The following PSAT1 variants were observed in gnomAD, a reference collection of about 807,000 sequenced individuals.
PSAT1 encodes the protein phosphoserine aminotransferase 1.
In PSAT1, 41 loss-of-function variants were observed where a neutral mutation model predicts 40.3. The ratio of observed to expected loss-of-function variants is 1.02; its 90% confidence interval spans 0.79 to 1.32. PSAT1 has a LOEUF of 1.32. Among genes scored for constraint, PSAT1 ranks in the 40% most tolerant of loss-of-function variants. The probability of loss-of-function intolerance (pLI) is 0.00; values close to 1 mark genes in which losing one functional copy is unlikely to be tolerated. For missense variants in PSAT1, 406 were observed against 455.8 expected, an observed-to-expected ratio of 0.89 and a Z score of 0.99; for synonymous variants, 147 against 170.5, an observed-to-expected ratio of 0.86 and a Z score of 1.07.
chr9:78,312,222 C>A (rs920323541), intron 6 of PSAT1, among the ~76,000 whole-genome samples: 1 of 152,128 alleles, frequency 6.6e-6, no homozygotes, highest in Non-Finnish European at 1.5e-5. Context: ...AACACACTAA[C>A]CCCAATTAGT....
intron 1 of PSAT1, among the ~76,000 whole-genome samples, chr9:78,297,790 T>G (rs1159766661): frequency 6.6e-6 from 1 of 152,200 alleles, no homozygotes; most frequent in East Asian, 1.9e-4. Context: ...CTGAAAGGGA[T>G]TGCAAACTTA....
rs750069417 is a variant in PSAT1 at position 78,317,805 on chromosome 9, G to GT, written c.869+2dup. 11 of 1,612,134 alleles carry GT rather than the reference G, an allele frequency of 6.8e-6. No individual in the cohort carries two copies. The highest frequency in any genetic ancestry group is 3.3e-5 in the Admixed American group (2 of 60,002). Reference sequence around the variant, plus strand: ...TTGATAATTCTCAAGGATTCTACGTGTAAGTCAATGGATTTTATCTCCTAT... The same window carrying GT: ...TTGATAATTCTCAAGGATTCTACGTGTTAAGTCAATGGATTTTATCTCCTAT... On this transcript the variant is annotated splice_donor_variant, in intron 7 of 8. Coordinates refer to ENST00000376588, the MANE Select transcript of PSAT1 (RefSeq NM_058179.4). LOFTEE classifies it high-confidence loss of function.
intron 6 of PSAT1, among the ~76,000 whole-genome samples, chr9:78,312,669 C>A (rs1236756071): frequency 6.6e-6 from 1 of 152,048 alleles, no homozygotes; most frequent in Non-Finnish European, 1.5e-5. Flanking sequence ...GCACTCCAGC[C>A]TGGGCAATAA....
At chr9:78,304,091 G>A (rs1254280410) in intron 3 of PSAT1, among the ~76,000 whole-genome samples, 1 of 152,114 alleles carries the variant, frequency 6.6e-6, no homozygotes, top group Admixed American at 6.5e-5. Flanking sequence ...GCATAACACA[G>A]GATTATTGGT....
At chr9:78,309,063 T>C (rs1449035942) in intron 6 of PSAT1, among the ~76,000 whole-genome samples, 1 of 152,256 alleles carries the variant, frequency 6.6e-6, no homozygotes, top group Non-Finnish European at 1.5e-5. Flanking sequence ...TATCAGATTC[T>C]CTGCCCAGCT....
In PSAT1 at chr9:78,326,808, C is replaced by T. The variant is rs549533630; in HGVS notation, c.870-1243C>T. Among the ~76,000 whole-genome samples the T allele has an allele frequency of 1.3e-4, 19 of 151,296 alleles. No individual in the cohort carries two copies. The East Asian group carries it at 2.9e-3, about 23-fold the overall frequency. On this transcript the variant is annotated intron_variant, in intron 7 of 8. Transcript: ENST00000376588. ...TTGGGATGCCTCATTCTACTGAAGTCGTCATCTGGTTATTCATTTGGAGCC... is the reference window on the plus strand; with the variant it reads ...TTGGGATGCCTCATTCTACTGAAGTTGTCATCTGGTTATTCATTTGGAGCC...
intron 4 of PSAT1, among the ~76,000 whole-genome samples, chr9:78,305,506 G>A (rs925135282): frequency 1.3e-5 from 2 of 152,176 alleles, no homozygotes; most frequent in Admixed American, 1.3e-4. Context: ...TTTGGCTTTA[G>A]ATATGGCTTG....
chr9:78,306,324 T>C lies in PSAT1; in HGVS notation c.408T>C (p.Asp136=), dbSNP rs1252120560. The C allele has an allele frequency of 1.2e-6, 2 of 1,612,164 alleles. No individual in the cohort carries two copies. Among genetic ancestry groups the C allele is most frequent in the East Asian group, 4.5e-5 (2 of 44,884 alleles). The change falls in exon 5 of 9, where the codon GAT becomes GAC. Residue 136 remains aspartate (D), a synonymous_variant. Transcript: ENST00000376588. ...TGTCTTCTGTGATAGAAATTCCAGA[T>C]CCAAGCACCTGGAACCTCAACCCAG... is the stretch of plus-strand genomic sequence containing the variant. The part of the protein sequence containing the change: ...PKLGSYTKIP[D]PSTWNLNPDA...
chr9:78,328,898 C>T (rs996762947), intron 8 of PSAT1, 83 bp from the exon 9 acceptor site: 3 of 1,085,624 alleles, frequency 2.8e-6, no homozygotes, highest in Non-Finnish European at 1.4e-6. Context: ...CTGCAACTCT[C>T]AGGAGCCAGT....
chr9:78,305,250 G>A (rs1828164345), intron 4 of PSAT1, among the ~76,000 whole-genome samples: 1 of 152,160 alleles, frequency 6.6e-6, no homozygotes. Flanking sequence ...AAGTAGCTGG[G>A]ATTACAGGTG....
intron 3 of PSAT1, among the ~76,000 whole-genome samples, chr9:78,302,518 G>A (rs1471331926): frequency 6.6e-6 from 1 of 152,048 alleles, no homozygotes; most frequent in Non-Finnish European, 1.5e-5. Flanking sequence ...CGTGAGATCA[G>A]GAGATCAAGA....
At chr9:78,316,466 C>CTAATT (rs1828346067) in intron 6 of PSAT1, among the ~76,000 whole-genome samples, 1 of 152,148 alleles carries the variant, frequency 6.6e-6, no homozygotes, top group Admixed American at 6.5e-5. Context: ...TCCTGTCTCA[C>CTAATT]AGTTGCACTA....
intron 1 of PSAT1, among the ~76,000 whole-genome samples, chr9:78,298,081 A>G (rs896962559): frequency 2.6e-5 from 4 of 151,882 alleles, no homozygotes; most frequent in Non-Finnish European, 5.9e-5. Context: ...AAACCGAGTG[A>G]TTGAATTCTC....
At chr9:78,307,949 A>C (rs1011215460) in intron 5 of PSAT1, among the ~76,000 whole-genome samples, 3 of 152,076 alleles carry the variant, frequency 2.0e-5, no homozygotes, top group African/African-American at 4.8e-5. Flanking sequence ...TGAGGCAGGA[A>C]AATTGCTTGA....
chr9:78,308,521 G>C lies in PSAT1; in HGVS notation c.678G>C (p.Ser226=). The change falls in exon 6 of 9, where the codon TCG becomes TCC. Residue 226 remains serine, a synonymous_variant. Transcript: ENST00000376588. ...LLGFALRECP[S]VLEYKVQAGN... is the part of the protein sequence containing the mutation. ...GGTTTGCCCTCCGAGAGTGCCCCTCGGTCCTGGAATACAAGGTGCAGGCTG... is the reference window on the plus strand; with the variant it reads ...GGTTTGCCCTCCGAGAGTGCCCCTCCGTCCTGGAATACAAGGTGCAGGCTG... The C allele has an allele frequency of 2.5e-6, 4 of 1,613,962 alleles. No homozygotes were observed. The highest frequency in any genetic ancestry group is 2.5e-6 in the Non-Finnish European group (3 of 1,179,970).
intron 6 of PSAT1, 117 bp downstream of exon 6, chr9:78,308,700 A>C: frequency 8.3e-7 from 1 of 1,206,594 alleles, no homozygotes; most frequent in Non-Finnish European, 1.2e-6. Flanking sequence ...TCACACCTGT[A>C]ATCTTAGCAA....
In PSAT1 at chr9:78,304,865, T is replaced by C. The variant is rs752493491; in HGVS notation, c.322T>C (p.Ser108Pro). The C allele has an allele frequency of 6.2e-7, 1 of 1,614,142 alleles. No homozygotes were observed. The highest frequency in any genetic ancestry group is 1.7e-5 in the Admixed American group (1 of 60,030). ...CADYVVTGAW[S>P]AKAAEEAKKF... is the part of the protein sequence containing the mutation. ...TGACTATGTGGTGACAGGAGCTTGG[T>C]CAGCTAAGGCCGCAGAAGAAGCCAA... The change falls in exon 4 of 9, where the codon TCA becomes CCA. Residue 108 changes from serine to proline, a missense_variant. Transcript: ENST00000376588.
chr9:78,315,422 G>A (rs1828327374), intron 6 of PSAT1, among the ~76,000 whole-genome samples: 1 of 152,222 alleles, frequency 6.6e-6, no homozygotes, highest in African/African-American at 2.4e-5. Context: ...TGAGGCCACA[G>A]TAGACTTCAG....
chr9:78,301,103 C>G, intron 2 of PSAT1, among the ~76,000 whole-genome samples: 1 of 151,884 alleles, frequency 6.6e-6, no homozygotes, highest in East Asian at 1.9e-4. Flanking sequence ...TTCCTATAGG[C>G]CTTTATAGAT....
Sources: gnomAD v4.1 joint callset for allele counts (sites outside exome capture counted in the v4.1 genomes callset) on GRCh38, gnomAD v4.1.1 for gene constraint, MANE v1.5 for transcripts, NCBI Gene and HGNC (gene_info 2026-07-23, HGNC 2026-07-21) for gene names.